Variants in DYM observed in about 807,000 individuals in gnomAD.
DYM encodes the protein dymeclin.
DYM carries 78 observed loss-of-function variants against 93.1 expected under a neutral mutation model. That is an observed-to-expected ratio of 0.84 (90% CI 0.70 to 1.01). The LOEUF (loss-of-function observed/expected upper bound fraction) is 1.01, where lower values mean the gene tolerates loss of function less well. Among genes scored for constraint, DYM ranks in the 50% least tolerant of loss-of-function variants. DYM has a pLI of 0.00. For missense variants in DYM, 789 were observed against 845.0 expected (o/e 0.93, Z 0.82); for synonymous variants, 321 against 319.7 (o/e 1.00, Z -0.04).
At chr18:49,263,108 A>G (rs994340669) in intron 11 of DYM, among the ~76,000 whole-genome samples, 5 of 151,928 alleles carry the variant, frequency 3.3e-5, no homozygotes, top group African/African-American at 1.2e-4. Context: ...GAATTGCCAA[A>G]TCATTGAATA....
intron 17 of DYM, among the ~76,000 whole-genome samples, chr18:49,050,103 T>TTA (rs1245672402): frequency 6.7e-6 from 1 of 148,822 alleles, no homozygotes; most frequent in East Asian, 2.0e-4. Flanking sequence ...TTTTTTTTTT[T>TTA]AAGATGGAGT....
At chr18:49,315,060 C>A (rs889289648) in intron 8 of DYM, among the ~76,000 whole-genome samples, 2 of 151,908 alleles carry the variant, frequency 1.3e-5, no homozygotes, top group African/African-American at 2.4e-5. Context: ...ACAACAGATA[C>A]AAAAATTAGC....
Position 49,044,212 on chromosome 18 carries a change from G to A in DYM, c.2026-8C>T, listed in dbSNP as rs1369680080. The A allele has an allele frequency of 2.5e-6, 4 of 1,614,074 alleles. No individual in the cohort carries two copies. In the Admixed American group the frequency reaches 6.7e-5, roughly 27 times the overall value. ...TTTCAATTCTGGAAATTTCTGCAATGAAAATAAGATGATTTTATAATCCCA... is the reference window on the plus strand; with the variant it reads ...TTTCAATTCTGGAAATTTCTGCAATAAAAATAAGATGATTTTATAATCCCA... On this transcript the variant is annotated splice_polypyrimidine_tract_variant and splice_region_variant and intron_variant, in intron 17 of 17. Transcript: ENST00000675505.
chr18:49,267,204 A>ATTT (rs1568135376), intron 11 of DYM, among the ~76,000 whole-genome samples: 1 of 152,066 alleles, frequency 6.6e-6, no homozygotes, highest in Admixed American at 6.5e-5. Context: ...ACTTTTTAAA[A>ATTT]AAAAAAAAGA....
rs1489893150 is a variant in DYM, at chr18:49,203,241, C to T, written c.1625+6310G>A. On this transcript the variant is annotated intron_variant, in intron 14 of 17. Coordinates refer to ENST00000675505, the MANE Select transcript of DYM (RefSeq NM_001353214.3). The stretch of plus-strand genomic sequence containing the variant: ...GGGAGGGAGGTGGGGGGGGTCAGCC[C>T]CCCCTGCCCGGCCAGCCGCCCCGTC... 5.1e-3 allele frequency among the ~76,000 whole-genome samples: 319 copies of T among 62,318 alleles called. 16 individuals are homozygous for T. The East Asian group carries it at 0.061, about 12-fold the overall frequency. The allele number at this position is 62,318 out of a possible 152,430, so 40.9% of individuals were successfully genotyped here.
At chr18:49,224,355 G>A (rs1210264483) in intron 13 of DYM, among the ~76,000 whole-genome samples, 1 of 152,088 alleles carries the variant, frequency 6.6e-6, no homozygotes, top group East Asian at 1.9e-4. Flanking sequence ...CCAGAGGATA[G>A]GGCTAGCTAA....
intron 14 of DYM, chr18:49,205,992 G>GTTTTTTTTTGTTTT (rs1555800069): frequency 5.3e-5 from 3 of 56,170 alleles, no homozygotes; most frequent in African/African-American, 9.6e-5. Context: ...CTAAGGTAGA[G>GTTTTTTTTTGTTTT]TTTTTTTTTT....
chr18:49,208,311 A>G (rs1286788614), intron 14 of DYM, among the ~76,000 whole-genome samples: 1 of 152,124 alleles, frequency 6.6e-6, no homozygotes, highest in Non-Finnish European at 1.5e-5. Context: ...CCAATTCCTG[A>G]GAGTATCATG....
chr18:49,282,745 T>C (rs947162211), intron 9 of DYM, among the ~76,000 whole-genome samples: 5 of 152,194 alleles, frequency 3.3e-5, no homozygotes, highest in African/African-American at 1.2e-4. Flanking sequence ...AACAGAATTA[T>C]GAGCTAGGCA....
At position 49,233,939 on chromosome 18, in the gene DYM, A is replaced by G. The variant is rs368540711; in HGVS notation, c.1460+23071T>C. Among the ~76,000 whole-genome samples the G allele has an allele frequency of 8.5e-5, 13 of 152,176 alleles. No homozygotes were observed. The East Asian group carries it at 1.9e-3, about 23-fold the overall frequency. Reference sequence around the variant, plus strand: ...CAAGAGATCGAGACCATCCTGGCCAACATGGTGAAATCCCGTCTCTACTAA... The same window carrying G: ...CAAGAGATCGAGACCATCCTGGCCAGCATGGTGAAATCCCGTCTCTACTAA... On this transcript the variant is annotated intron_variant, in intron 13 of 17. Transcript: ENST00000675505.
chr18:49,377,397 T>C (rs923817309), intron 5 of DYM, among the ~76,000 whole-genome samples: 4 of 151,898 alleles, frequency 2.6e-5, no homozygotes, highest in Admixed American at 1.3e-4. Flanking sequence ...CCATCTCTAC[T>C]AAAAATACAA....
At chr18:49,108,217 A>G (rs1235611235) in intron 16 of DYM, among the ~76,000 whole-genome samples, 1 of 152,218 alleles carries the variant, frequency 6.6e-6, no homozygotes, top group African/African-American at 2.4e-5. Flanking sequence ...GGCACGGGAT[A>G]TAATCTCCTG....
rs1259398650 is a variant in DYM at position 49,366,171 on chromosome 18, T to C, written c.422-2938A>G. ...ATTTTAAGTGAAGATTGACAAGATT[T>C]GACTGCTTACTAGGTTTGACATCAA... On this transcript the variant is annotated intron_variant, in intron 5 of 17. Coordinates refer to ENST00000675505, the MANE Select transcript of DYM (RefSeq NM_001353214.3). Among the ~76,000 whole-genome samples, 4 of 152,206 alleles carry C rather than the reference T, an allele frequency of 2.6e-5. No individual in the cohort carries two copies. The East Asian group carries it at 7.7e-4, about 29-fold the overall frequency.
At chr18:49,329,014 G>C (rs552506105) in intron 8 of DYM, among the ~76,000 whole-genome samples, 1 of 152,178 alleles carries the variant, frequency 6.6e-6, no homozygotes, top group East Asian at 1.9e-4. Flanking sequence ...ATTCACAATA[G>C]CAAAGACTTG....
chr18:49,049,185 A>G (rs947463588), intron 17 of DYM, among the ~76,000 whole-genome samples: 5 of 152,240 alleles, frequency 3.3e-5, no homozygotes, highest in Non-Finnish European at 7.3e-5. Context: ...TTTATAGCTA[A>G]TACAATTGAT....
At chr18:49,248,608 G>A (rs1010032952) in intron 13 of DYM, among the ~76,000 whole-genome samples, 4 of 151,618 alleles carry the variant, frequency 2.6e-5, no homozygotes, top group Admixed American at 6.6e-5. Flanking sequence ...ACAATAATAT[G>A]AGGTTGAAAT....
intron 14 of DYM, among the ~76,000 whole-genome samples, chr18:49,198,189 T>G (rs2091656161): frequency 6.6e-6 from 1 of 152,172 alleles, no homozygotes; most frequent in Admixed American, 6.5e-5. Flanking sequence ...TGGAGAAAAC[T>G]GAAACTGGAT....
intron 13 of DYM, among the ~76,000 whole-genome samples, chr18:49,213,653 T>TA (rs1335947732): frequency 6.6e-6 from 1 of 152,072 alleles, no homozygotes; most frequent in Admixed American, 6.5e-5. Flanking sequence ...TTAAAGAACT[T>TA]AAAAAAATGA....
chr18:49,294,464 C>A (rs61580418), intron 8 of DYM, among the ~76,000 whole-genome samples: 30,709 of 152,032 alleles, frequency 0.2, 3,154 homozygotes, highest in East Asian at 0.27. Context: ...AATGTTTTTC[C>A]ATTTGTTCAT....
Sources: gnomAD v4.1 joint callset for allele counts (sites outside exome capture counted in the v4.1 genomes callset) on GRCh38, gnomAD v4.1.1 for gene constraint, MANE v1.5 for transcripts, NCBI Gene and HGNC (gene_info 2026-07-23, HGNC 2026-07-21) for gene names.